CHLSN: variants seen among roughly 807,000 people sequenced by gnomAD.
CHLSN encodes the protein protein cholesin.
At chr7:1,130,264 C>T in the CHLSN span, among the ~76,000 whole-genome samples, 4 of 152,280 alleles carry the variant, frequency 2.6e-5, no homozygotes, top group African/African-American at 4.8e-5. Flanking sequence ...ATGAGGGAGC[C>T]GAAAGAGGCA....
At chr7:1,078,962 G>A in the CHLSN span, among the ~76,000 whole-genome samples, 1 of 71,576 alleles carries the variant, frequency 1.4e-5, no homozygotes, top group Non-Finnish European at 4.4e-5. Flanking sequence ...GTGAATGGCC[G>A]GCTGAGGAGG....
the CHLSN span, among the ~76,000 whole-genome samples, chr7:982,197 G>A: frequency 6.6e-6 from 1 of 152,230 alleles, no homozygotes; most frequent in Non-Finnish European, 1.5e-5. Context: ...GCAGGATAGA[G>A]GTAGTGAGCT....
the CHLSN span, among the ~76,000 whole-genome samples, chr7:1,014,587 C>A: frequency 8.2e-3 from 1,252 of 152,370 alleles, 9 homozygotes; most frequent in Middle Eastern, 0.031. Flanking sequence ...TAAAAACCAT[C>A]ATCATTTCCC....
the CHLSN span, chr7:1,022,904 C>T: frequency 3.5e-4 from 144 of 415,214 alleles, no homozygotes; most frequent in Non-Finnish European, 5.6e-4. Context: ...GCGACGTCTC[C>T]GCGGCGAGCT....
chr7:1,130,537 A>G, the CHLSN span, among the ~76,000 whole-genome samples: 3 of 141,816 alleles, frequency 2.1e-5, no homozygotes, highest in Non-Finnish European at 1.5e-5. Flanking sequence ...CCCTGTCCCC[A>G]CCCCTCCCTT....
the CHLSN span, among the ~76,000 whole-genome samples, chr7:1,003,573 CCTGT>C: frequency 2.9e-5 from 1 of 34,374 alleles, no homozygotes. Context: ...GGTGGGGAGT[CCTGT>C]GGGTGGGGAG....
the CHLSN span, among the ~76,000 whole-genome samples, chr7:995,758 G>T: frequency 6.6e-6 from 1 of 152,244 alleles, no homozygotes; most frequent in Admixed American, 6.5e-5. Context: ...TCACCTGACC[G>T]ACACCAGGAG....
the CHLSN span, chr7:983,259 G>T: frequency 1.3e-6 from 2 of 1,539,070 alleles, no homozygotes; most frequent in South Asian, 1.2e-5. Context: ...GGCTCTGGGG[G>T]CTGCTCTGCG....
the CHLSN span, among the ~76,000 whole-genome samples, chr7:1,037,663 G>A: frequency 1.5e-5 from 2 of 130,300 alleles, no homozygotes; most frequent in African/African-American, 2.7e-5. Flanking sequence ...CTGCCCGGCC[G>A]CCACCCCGTC....
chr7:1,041,171 C>T, the CHLSN span, among the ~76,000 whole-genome samples: 1 of 152,238 alleles, frequency 6.6e-6, no homozygotes, highest in Non-Finnish European at 1.5e-5. Flanking sequence ...AAGGTGGTGG[C>T]CACATGCTCC....
At chr7:984,369 T>A in the CHLSN span, 1 of 1,537,778 alleles carries the variant, frequency 6.5e-7, no homozygotes, top group Admixed American at 2.0e-5. Context: ...AGGGGGGTCT[T>A]GTGGGTGAGG....
the CHLSN span, among the ~76,000 whole-genome samples, chr7:1,048,218 G>A: frequency 7.9e-5 from 12 of 152,304 alleles, no homozygotes; most frequent in South Asian, 1.2e-3. Flanking sequence ...GAGAGCACCC[G>A]GAAACTTCGT....
the CHLSN span, chr7:1,000,411 G>T: frequency 9.1e-7 from 1 of 1,095,294 alleles, no homozygotes; most frequent in Non-Finnish European, 1.2e-6. Flanking sequence ...GGACGTGCCT[G>T]CCCCGCCGTG....
chr7:1,111,325 G>A, the CHLSN span, among the ~76,000 whole-genome samples: 1 of 152,260 alleles, frequency 6.6e-6, no homozygotes, highest in Non-Finnish European at 1.5e-5. Flanking sequence ...CAGGGTAGCA[G>A]GTGTTCTGCT....
the CHLSN span, among the ~76,000 whole-genome samples, chr7:1,066,879 T>G: frequency 3.0e-4 from 29 of 95,496 alleles, no homozygotes; most frequent in Non-Finnish European, 4.0e-4. Flanking sequence ...ACCCCAGAGG[T>G]GAGGGTTTGG....
the CHLSN span, chr7:1,137,242 T>C: frequency 6.5e-6 from 1 of 153,058 alleles, no homozygotes; most frequent in African/African-American, 2.4e-5. Flanking sequence ...TGGAATGTTC[T>C]GGTGCCTCAC....
the CHLSN span, among the ~76,000 whole-genome samples, chr7:1,100,034 A>G: frequency 6.6e-6 from 1 of 152,170 alleles, no homozygotes; most frequent in Admixed American, 6.5e-5. Context: ...GGAACATCTG[A>G]GCCCCCGTCC....
the CHLSN span, among the ~76,000 whole-genome samples, chr7:1,035,136 G>C: frequency 6.6e-6 from 1 of 152,172 alleles, no homozygotes; most frequent in Admixed American, 6.5e-5. Context: ...TGATGGGCTG[G>C]TGTCATGTCT....
chr7:1,135,792 T>TATATACAC, the CHLSN span, among the ~76,000 whole-genome samples: 45 of 106,388 alleles, frequency 4.2e-4, no homozygotes, highest in African/African-American at 9.5e-4. Context: ...TATATATATA[T>TATATACAC]ACACAATTTA....
Sources: allele counts gnomAD v4.1 joint callset (sites outside exome capture counted in the v4.1 genomes callset), GRCh38; gene constraint gnomAD v4.1.1; transcripts MANE v1.5; gene names NCBI Gene and HGNC (gene_info 2026-07-23, HGNC 2026-07-21).